The following RGPD1 variants were observed in gnomAD, a reference collection of about 807,000 sequenced individuals.
RGPD1 encodes the protein RANBP2-like and GRIP domain-containing protein 1.
Under a neutral mutation model 40.6 loss-of-function variants are expected in RGPD1, and 7 were observed. The ratio of observed to expected loss-of-function variants is 0.17; its 90% CI spans 0.10 to 0.32. The LOEUF (loss-of-function observed/expected upper bound fraction) is 0.32. Ranked by LOEUF, RGPD1 falls within the 10% of genes least tolerant of loss-of-function variation. RGPD1 has a pLI of 1.00. For missense variants in RGPD1, 50 were observed against 472.5 expected (o/e 0.11, Z 8.29); for synonymous variants, 24 against 167.0 (o/e 0.14, Z 6.60).
rs1678917830 is a variant in RGPD1 at position 86,931,012 on chromosome 2, AG to A, written c.72+17092del. Among the ~76,000 whole-genome samples, 6 of 115,000 alleles carry A rather than the reference AG, an allele frequency of 5.2e-5. No homozygotes were observed. The South Asian group carries it at 2.1e-3, about 40-fold the overall frequency. The allele number at this position is 115,000 out of a possible 152,430, so 75.4% of individuals were successfully genotyped here. The stretch of plus-strand genomic sequence containing the variant: ...ATCAGGGAATGTATTCTTTCACTGT[AG>A]AATGCTGAATGGAAAACCAAATTTC... On this transcript the variant is annotated intron_variant, in intron 1 of 22. Transcript: ENST00000398193.
At chr2:86,923,466 ACTC>A (rs1256043653) in intron 1 of RGPD1, among the ~76,000 whole-genome samples, 1 of 150,414 alleles carries the variant, frequency 6.6e-6, no homozygotes, top group Admixed American at 6.6e-5. Flanking sequence ...TGTAACCTAC[ACTC>A]CTATATAGAC....
chr2:86,930,948 C>T (rs1426962219), intron 1 of RGPD1, among the ~76,000 whole-genome samples: 15 of 106,412 alleles, frequency 1.4e-4, no homozygotes, highest in Admixed American at 1.3e-3. Flanking sequence ...CACAAGAGAA[C>T]GCCAGTTTAT....
upstream of RGPD1, chr2:86,913,699 G>A (rs1162004314): frequency 1.7e-5 from 23 of 1,332,486 alleles, 1 homozygote; most frequent in Non-Finnish European, 2.3e-5. Flanking sequence ...CGTCGCCAAG[G>A]ATACACAGTG....
upstream of RGPD1, among the ~76,000 whole-genome samples, chr2:86,941,871 C>T (rs1028879933): frequency 4.6e-5 from 7 of 151,562 alleles, no homozygotes; most frequent in African/African-American, 9.7e-5. Context: ...CCTCCACGCC[C>T]GGGTAATTTT....
chr2:86,963,915 A>AT (rs1361418258), intron 7 of RGPD1, among the ~76,000 whole-genome samples: 1 of 113,550 alleles, frequency 8.8e-6, no homozygotes, highest in Non-Finnish European at 1.7e-5. Context: ...AATTTTTTGT[A>AT]TTTTTAATAG....
chr2:86,918,453 C>CTTTT (rs1160123598), intron 1 of RGPD1, among the ~76,000 whole-genome samples: 100 of 78,086 alleles, frequency 1.3e-3, no homozygotes, highest in Non-Finnish European at 1.7e-3. Flanking sequence ...CACACCAAAT[C>CTTTT]TTTTTTTTTT....
At chr2:86,942,538 C>T (rs1445436408) in intron 1 of RGPD1, among the ~76,000 whole-genome samples, 9 of 116,646 alleles carry the variant, frequency 7.7e-5, no homozygotes, top group East Asian at 5.5e-4. Flanking sequence ...TCGACCTGGC[C>T]GGGCGGCGGC....
chr2:86,928,326 G>C (rs563124452), intron 1 of RGPD1, among the ~76,000 whole-genome samples: 1 of 152,258 alleles, frequency 6.6e-6, no homozygotes, highest in East Asian at 1.9e-4. Flanking sequence ...AAACACAAGG[G>C]ATGTGGCCAG....
At position 86,997,166 on chromosome 2, in the gene RGPD1, C is replaced by T. The variant is rs1402990090; in HGVS notation, c.5041-397C>T. ...TCTGTTTCTCGTGAGAATGTCTTGA[C>T]GTTATCTCATCTACTTTTTCTCCTC... On this transcript the variant is annotated intron_variant, in intron 21 of 22. Coordinates refer to ENST00000641458, the MANE Select transcript of RGPD1 (RefSeq NM_001382344.1). Among the ~76,000 whole-genome samples the T allele has an allele frequency of 1.3e-4, 18 of 142,470 alleles. 2 individuals are homozygous for T. The highest frequency in any genetic ancestry group is 2.1e-4 in the East Asian group (1 of 4,790). 93.5% of individuals were successfully genotyped at this position (142,470 alleles called of 152,430 possible). A position where few individuals can be genotyped will look rare whatever the true frequency, so the allele number is the denominator to read the frequency against.
At chr2:86,929,862 G>A (rs556079152) in intron 1 of RGPD1, among the ~76,000 whole-genome samples, 5 of 143,634 alleles carry the variant, frequency 3.5e-5, no homozygotes, top group African/African-American at 1.2e-4. Flanking sequence ...GGGGCCAAAA[G>A]GAACGCAAGG....
chr2:86,924,981 C>T (rs1234174543), intron 1 of RGPD1, among the ~76,000 whole-genome samples: 3 of 151,478 alleles, frequency 2.0e-5, no homozygotes, highest in Non-Finnish European at 4.4e-5. Flanking sequence ...ATTAGCCAGG[C>T]ATGATGGCGC....
At chr2:86,993,153 C>G (rs1681691825) in intron 20 of RGPD1, among the ~76,000 whole-genome samples, 1 of 152,086 alleles carries the variant, frequency 6.6e-6, no homozygotes, top group Non-Finnish European at 1.5e-5. Context: ...TAAAAAAAAT[C>G]TAATAGGCCC....
At chr2:86,913,684 G>C, upstream of RGPD1, 1 of 1,313,172 alleles carries the variant, frequency 7.6e-7, no homozygotes, top group Non-Finnish European at 1.0e-6. Flanking sequence ...CAGCTGGAGC[G>C]CCGACGTCGC....
At chr2:87,011,518 CCTG>C (rs1335036473) in intron 22 of RGPD1, among the ~76,000 whole-genome samples, 1 of 29,446 alleles carries the variant, frequency 3.4e-5, no homozygotes, top group Non-Finnish European at 6.5e-5. Flanking sequence ...ATTCCAAACA[CCTG>C]CTTTTGTCAG....
Position 86,914,911 on chromosome 2 carries a change from A to ACCTGGCCGGGCGGCGGCGGCGGCGGCGGC in RGPD1, c.72+990_72+991insCCTGGCCGGGCGGCGGCGGCGGCGGCGGC, listed in dbSNP as rs1416930648. Among the ~76,000 whole-genome samples the ACCTGGCCGGGCGGCGGCGGCGGCGGCGGC allele has an allele frequency of 8.0e-5, 2 of 25,030 alleles. 1 individual carries two copies. The highest frequency in any genetic ancestry group is 1.3e-4 in the Non-Finnish European group (2 of 15,266). The allele number at this position is 25,030 out of a possible 152,430, so 16.4% of individuals were successfully genotyped here. On this transcript the variant is annotated intron_variant, in intron 1 of 22. Transcript: ENST00000398193. ...CCTCGACCTGGCCGGGCGGCGGCGG[A>ACCTGGCCGGGCGGCGGCGGCGGCGGCGGC]GGCGGCGGCCTCGACCTGGCCGGGC...
chr2:86,939,173 CAAA>C (rs1477991634), upstream of RGPD1, among the ~76,000 whole-genome samples: 1 of 90,884 alleles, frequency 1.1e-5, no homozygotes, highest in Non-Finnish European at 2.2e-5. Flanking sequence ...TACCACTGAA[CAAA>C]AAAAAAGTAG....
At chr2:86,919,454 A>C (rs1677976793) in intron 1 of RGPD1, among the ~76,000 whole-genome samples, 1 of 135,336 alleles carries the variant, frequency 7.4e-6, no homozygotes. Context: ...CTCAGAGTAA[A>C]GGCCATAGGC....
At chr2:86,930,572 C>T in intron 1 of RGPD1, 2 of 1,610,470 alleles carry the variant, frequency 1.2e-6, no homozygotes, top group Non-Finnish European at 1.7e-6. Flanking sequence ...CAGTCCAGAG[C>T]AGCCAGAACC....
chr2:86,915,235 G>A (rs1182518560), intron 1 of RGPD1, among the ~76,000 whole-genome samples: 1 of 150,808 alleles, frequency 6.6e-6, no homozygotes, highest in Non-Finnish European at 1.5e-5. Context: ...TGCGGAGGTT[G>A]CGGTGAGCCA....
Sources: allele counts gnomAD v4.1 joint callset (sites outside exome capture counted in the v4.1 genomes callset), GRCh38; gene constraint gnomAD v4.1.1; transcripts MANE v1.5; gene names NCBI Gene and HGNC (gene_info 2026-07-23, HGNC 2026-07-21).